The following ETFA variants were observed in gnomAD, a reference collection of about 807,000 sequenced individuals.
ETFA encodes the protein electron transfer flavoprotein subunit alpha.
In ETFA, 22 loss-of-function variants were observed where a neutral mutation model predicts 46.2. That is an observed-to-expected ratio of 0.48 (90% confidence interval 0.34 to 0.68). The LOEUF is 0.68. ETFA is among the 30% of genes least tolerant of loss of function. ETFA has a pLI of 0.01. For synonymous variants in ETFA, 131 were observed against 139.9 expected, an observed-to-expected ratio of 0.94 and a Z score of 0.45; for missense variants, 345 against 401.1, an observed-to-expected ratio of 0.86 and a Z score of 1.19.
chr15:76,295,791 T>G (rs957510966), intron 1 of ETFA, 54 bp from the exon 2 acceptor site: 40 of 1,458,784 alleles, frequency 2.7e-5, no homozygotes, highest in South Asian at 1.0e-4. Context: ...ACAGGGTTTT[T>G]TTTTTTTTTT....
At chr15:76,257,177 C>A (rs961480711) in intron 9 of ETFA, among the ~76,000 whole-genome samples, 1 of 152,184 alleles carries the variant, frequency 6.6e-6, no homozygotes, top group Non-Finnish European at 1.5e-5. Flanking sequence ...GAGGTTCCCC[C>A]ACCAAGGCTG....
chr15:76,216,482 G>T lies in ETFA; in HGVS notation c.*77C>A. On this transcript the variant is annotated 3_prime_UTR_variant, in exon 12 of 12. Transcript: ENST00000557943. ...TAGCTCTCCATGCTTTCCAATGATT[G>T]TTATAATACCCACAAATATCTGTGA... 1 of 892,318 alleles carries T rather than the reference G, an allele frequency of 1.1e-6. No homozygotes were observed. The highest frequency in any genetic ancestry group is 1.6e-5 in the African/African-American group (1 of 60,922). The allele number at this position is 892,318 out of a possible 1,614,324, so 55.3% of individuals were successfully genotyped here. A position where few individuals can be genotyped will look rare whatever the true frequency, so the allele number is the denominator to read the frequency against.
chr15:76,256,901 G>A (rs1024338224), intron 9 of ETFA, among the ~76,000 whole-genome samples: 1 of 152,118 alleles, frequency 6.6e-6, no homozygotes, highest in Middle Eastern at 3.2e-3. Context: ...CAGGTTTGTA[G>A]CCTAGCAGCA....
intron 9 of ETFA, among the ~76,000 whole-genome samples, chr15:76,232,554 G>C (rs1384994153): frequency 6.6e-6 from 1 of 152,190 alleles, no homozygotes; most frequent in Non-Finnish European, 1.5e-5. Flanking sequence ...GCCAATGACA[G>C]TGTCAAGGTG....
intron 9 of ETFA, among the ~76,000 whole-genome samples, chr15:76,269,343 T>C (rs2039505347): frequency 6.6e-6 from 1 of 152,208 alleles, no homozygotes; most frequent in Admixed American, 6.5e-5. Flanking sequence ...AAATACCTAG[T>C]GGCCTTTGGA....
At chr15:76,254,570 A>G (rs1425600422) in intron 9 of ETFA, among the ~76,000 whole-genome samples, 1 of 152,150 alleles carries the variant, frequency 6.6e-6, no homozygotes, top group East Asian at 1.9e-4. Context: ...GAGCCCCAAG[A>G]CCCTTTCAGG....
At chr15:76,279,096 T>G (rs1004335540) in intron 8 of ETFA, among the ~76,000 whole-genome samples, 1 of 152,160 alleles carries the variant, frequency 6.6e-6, no homozygotes, top group East Asian at 1.9e-4. Context: ...TTTCCCTGCT[T>G]CCCTATATAG....
intron 1 of ETFA, among the ~76,000 whole-genome samples, chr15:76,299,241 T>C (rs1185608788): frequency 2.0e-5 from 3 of 152,198 alleles, no homozygotes; most frequent in Non-Finnish European, 4.4e-5. Flanking sequence ...GTTCGCACTC[T>C]CACCCTCCAC....
intron 8 of ETFA, among the ~76,000 whole-genome samples, chr15:76,281,488 T>C (rs998194620): frequency 2.0e-5 from 3 of 151,644 alleles, no homozygotes; most frequent in Non-Finnish European, 4.4e-5. Flanking sequence ...TGCAGTGACA[T>C]GATTTCTGCT....
At chr15:76,276,314 C>A (rs933660786) in intron 8 of ETFA, among the ~76,000 whole-genome samples, 3 of 151,980 alleles carry the variant, frequency 2.0e-5, no homozygotes, top group Admixed American at 6.6e-5. Flanking sequence ...GAGATCAGAT[C>A]TAATTATTAT....
intron 9 of ETFA, chr15:76,259,246 T>C: frequency 6.4e-7 from 1 of 1,557,596 alleles, no homozygotes; most frequent in Non-Finnish European, 8.9e-7. Flanking sequence ...TCGATGTTGA[T>C]GTATAAGGGG....
chr15:76,261,662 A>G (rs926915632), intron 9 of ETFA: 7 of 378,266 alleles, frequency 1.9e-5, no homozygotes, highest in African/African-American at 1.5e-4. Flanking sequence ...CAGGAGCCCC[A>G]GCCGCCCCAT....
chr15:76,226,060 C>T, intron 10 of ETFA, 131 bp from the exon 11 acceptor site: 1 of 649,674 alleles, frequency 1.5e-6, no homozygotes, highest in Middle Eastern at 4.2e-4. Flanking sequence ...GCATCTGTGT[C>T]AACACTGTAA....
rs991510924 is a variant in ETFA at position 76,298,131 on chromosome 15, C to A, written c.40-2394G>T. On this transcript the variant is annotated intron_variant, in intron 1 of 11. Coordinates refer to ENST00000557943, the MANE Select transcript of ETFA (RefSeq NM_000126.4). The stretch of plus-strand genomic sequence containing the variant: ...GCTCTTGACTCACTGCAACCACCGC[C>A]TCCAGGGTTCAAGCAATTCTCCTGC... 1.2e-4 allele frequency among the ~76,000 whole-genome samples: 19 copies of A among 152,140 alleles called. 1 individual carries two copies. The highest frequency in any genetic ancestry group is 4.6e-4 in the African/African-American group (19 of 41,482).
At chr15:76,264,385 T>TA (rs2039449530) in intron 9 of ETFA, among the ~76,000 whole-genome samples, 1 of 152,162 alleles carries the variant, frequency 6.6e-6, no homozygotes, top group Non-Finnish European at 1.5e-5. Context: ...TGGCCCTAAT[T>TA]GGGGTCGATT....
Position 76,251,525 on chromosome 15 carries a change from T to C in ETFA, c.817-20127A>G, listed in dbSNP as rs1488592430. Among the ~76,000 whole-genome samples the C allele has an allele frequency of 3.9e-5, 6 of 152,216 alleles. No individual in the cohort carries two copies. The South Asian group carries it at 1.2e-3, about 32-fold the overall frequency. On this transcript the variant is annotated intron_variant, in intron 9 of 11. Coordinates refer to ENST00000557943, the MANE Select transcript of ETFA (RefSeq NM_000126.4). ...AATTCAGTTCCCATAGACACATTTG[T>C]AGAGATCTGGGGCTATGCAATTCAA... is the stretch of plus-strand genomic sequence containing the variant.
intron 9 of ETFA, among the ~76,000 whole-genome samples, chr15:76,236,613 T>C (rs2039124872): frequency 6.6e-6 from 1 of 152,184 alleles, no homozygotes. Flanking sequence ...TTATGCTCAA[T>C]GGGAACGTGA....
chr15:76,280,917 CTTTT>C (rs35907442), intron 8 of ETFA, among the ~76,000 whole-genome samples: 31 of 102,054 alleles, frequency 3.0e-4, no homozygotes, highest in African/African-American at 1.2e-3. Flanking sequence ...GTTCAGATGT[CTTTT>C]TTTTTTTTTT....
intron 9 of ETFA, among the ~76,000 whole-genome samples, chr15:76,244,232 A>G (rs2039222839): frequency 6.6e-6 from 1 of 152,220 alleles, no homozygotes; most frequent in Admixed American, 6.5e-5. Context: ...TGAAGTTCAG[A>G]CCAAAGACTT....
Sources: gnomAD v4.1 joint callset for allele counts (sites outside exome capture counted in the v4.1 genomes callset) on GRCh38, gnomAD v4.1.1 for gene constraint, MANE v1.5 for transcripts, NCBI Gene and HGNC (gene_info 2026-07-23, HGNC 2026-07-21) for gene names.